THAP6: variants seen among roughly 807,000 people sequenced by gnomAD.
THAP6 encodes THAP domain-containing protein 6.
In THAP6, 13 loss-of-function variants were observed where a neutral mutation model predicts 20.0. The observed-to-expected ratio is 0.65, with a 90% CI of 0.42 to 1.03. The LOEUF (loss-of-function observed/expected upper bound fraction) is 1.03. Ranked by LOEUF, THAP6 falls within the 50% of genes least tolerant of loss-of-function variation. The probability of loss-of-function intolerance (pLI) is 0.00; values close to 1 mark genes in which losing one functional copy is unlikely to be tolerated. For missense variants in THAP6, 262 were observed against 261.6 expected (o/e 1.00, Z -0.01); for synonymous variants, 93 against 92.2 (o/e 1.01, Z -0.05).
chr4:75,529,127 C>A lies in THAP6; in HGVS notation c.*1913C>A. 3.1e-6 allele frequency: 3 copies of A among 979,004 alleles called. No individual in the cohort carries two copies. Among genetic ancestry groups the A allele is most frequent in the Non-Finnish European group, 3.6e-6 (3 of 824,202 alleles). 60.6% of individuals were successfully genotyped at this position (979,004 alleles called of 1,614,324 possible). A position where few individuals can be genotyped will look rare whatever the true frequency, so the allele number is the denominator to read the frequency against. ...TTAATTTTGAGTTCATAAATGGCCA[C>A]CCTAATGGAAAGTTTGGGTATGATC... is the stretch of plus-strand genomic sequence containing the variant. On this transcript the variant is annotated 3_prime_UTR_variant, in exon 5 of 5. Coordinates refer to ENST00000311638, the MANE Select transcript of THAP6 (RefSeq NM_144721.6).
In THAP6 at chr4:75,529,155, AG is replaced by A; in HGVS notation, c.*1943del. 1.0e-6 allele frequency: 1 copy of A among 982,952 alleles called. No individual in the cohort carries two copies. The highest frequency in any genetic ancestry group is 1.1e-4 in the East Asian group (1 of 8,802). The allele number at this position is 982,952 out of a possible 1,614,324, so 60.9% of individuals were successfully genotyped here. ...TAATGGAAAGTTTGGGTATGATCTT[AG>A]GTTTTATGGAGATGTTTTCAATAGA... is the stretch of plus-strand genomic sequence containing the variant. On this transcript the variant is annotated 3_prime_UTR_variant, in exon 5 of 5. Transcript: ENST00000311638.
chr4:75,547,238 T>C (rs1727146033), intron 3 of THAP6, among the ~76,000 whole-genome samples: 1 of 152,204 alleles, frequency 6.6e-6, no homozygotes, highest in Admixed American at 6.5e-5. Flanking sequence ...CTAATCAAGA[T>C]TTGGTTCTTC....
intron 3 of THAP6, among the ~76,000 whole-genome samples, chr4:75,547,283 A>C (rs1279083084): frequency 6.6e-6 from 1 of 152,198 alleles, no homozygotes; most frequent in Non-Finnish European, 1.5e-5. Context: ...GGTCAATTTT[A>C]TGTTACGTAT....
rs762413697 is a variant in THAP6, at chr4:75,516,890, A to C, written c.199A>C (p.Lys67Gln). Reference sequence around the variant, plus strand: ...AGATGTGTTGTGTTCGAGGCACTTTAAGAAGACAGATTTTGACAGAAGTGC... The same window carrying C: ...AGATGTGTTGTGTTCGAGGCACTTTCAGAAGACAGATTTTGACAGAAGTGC... Reference protein sequence around the residue: ...KGDVLCSRHFKKTDFDRSAPN... With the variant: ...KGDVLCSRHFQKTDFDRSAPN... The change falls in exon 3 of 5, where the codon AAG becomes CAG. Residue 67 changes from lysine (K) to glutamine (Q), a missense_variant. Lys to Gln is a moderately conservative substitution (Grantham distance 53, BLOSUM62 1). Transcript: ENST00000311638. 6.2e-7 allele frequency: 1 copy of C among 1,614,150 alleles called. No individual in the cohort carries two copies. Among genetic ancestry groups the C allele is most frequent in the East Asian group, 2.2e-5 (1 of 44,880 alleles).
chr4:75,537,191 C>CA, intron 2 of THAP6, among the ~76,000 whole-genome samples: 1 of 152,154 alleles, frequency 6.6e-6, no homozygotes, highest in African/African-American at 2.4e-5. Context: ...CTAGGGGGGG[C>CA]ACCAAAACTA....
At position 75,528,756 on chromosome 4, in the gene THAP6, T is replaced by TTA. The variant is rs1553923560; in HGVS notation, c.*1542_*1543insTA. ...GAAAAAAAAGTAGTAAAAAGGTAGTTAAAAAAAAAAAAGGCCGGGTGGTGG... is the reference window on the plus strand; with the variant it reads ...GAAAAAAAAGTAGTAAAAAGGTAGTTTAAAAAAAAAAAAAGGCCGGGTGGTGG... On this transcript the variant is annotated 3_prime_UTR_variant, in exon 5 of 5. Coordinates refer to ENST00000311638, the MANE Select transcript of THAP6 (RefSeq NM_144721.6). 2 of 902,706 alleles carry TTA rather than the reference T, an allele frequency of 2.2e-6. No homozygotes were observed. The highest frequency in any genetic ancestry group is 5.7e-4 in the Middle Eastern group (1 of 1,760). The allele number at this position is 902,706 out of a possible 1,614,324, so 55.9% of individuals were successfully genotyped here. A position where few individuals can be genotyped will look rare whatever the true frequency, so the allele number is the denominator to read the frequency against.
chr4:75,531,936 C>T (rs982616178), downstream of THAP6, among the ~76,000 whole-genome samples: 3 of 152,144 alleles, frequency 2.0e-5, no homozygotes, highest in African/African-American at 7.2e-5. Context: ...ATGGGAGCTA[C>T]AAGATGAGAT....
intron 2 of THAP6, 65 bp from the exon 3 acceptor site, chr4:75,516,707 A>G (rs967678710): frequency 6.8e-5 from 93 of 1,376,024 alleles, no homozygotes; most frequent in Non-Finnish European, 1.1e-5. Context: ...TGTATAAGGC[A>G]GCTTTAATTC....
At chr4:75,539,194 T>C (rs1397985701) in intron 2 of THAP6, among the ~76,000 whole-genome samples, 1 of 152,214 alleles carries the variant, frequency 6.6e-6, no homozygotes, top group Admixed American at 6.5e-5. Context: ...TTTCTCCTCA[T>C]TGTGCACTAC....
At chr4:75,526,476 T>C (rs1726376356) in intron 4 of THAP6, among the ~76,000 whole-genome samples, 2 of 152,188 alleles carry the variant, frequency 1.3e-5, no homozygotes, top group African/African-American at 2.4e-5. Context: ...CAAGAGGAGT[T>C]GTCTCTTGAA....
intron 2 of THAP6, among the ~76,000 whole-genome samples, chr4:75,515,788 T>C (rs902918309): frequency 2.0e-5 from 3 of 152,272 alleles, no homozygotes; most frequent in Non-Finnish European, 4.4e-5. Context: ...CTAATATTAT[T>C]ACTTTGTATT....
rs1726623266 is a variant in THAP6, at chr4:75,529,969, TTGAG to T, written c.*2756_*2759del. On this transcript the variant is annotated 3_prime_UTR_variant, in exon 5 of 5. Transcript: ENST00000311638. The stretch of plus-strand genomic sequence containing the variant: ...AAAGATAAAATTATTACAGAAATAA[TTGAG>T]AGAGAGAAAATCTATTATAATTTAT... 5.7e-6 allele frequency: 5 copies of T among 877,762 alleles called. No individual in the cohort carries two copies. The highest frequency in any genetic ancestry group is 1.0e-4 in the South Asian group (2 of 19,126). The allele number at this position is 877,762 out of a possible 1,614,324, so 54.4% of individuals were successfully genotyped here. A position where few individuals can be genotyped will look rare whatever the true frequency, so the allele number is the denominator to read the frequency against.
At chr4:75,544,634 A>G (rs1727085548) in intron 3 of THAP6, 1 of 151,378 alleles carries the variant, frequency 6.6e-6, no homozygotes, top group African/African-American at 2.4e-5. Flanking sequence ...CTAGAATTAC[A>G]GGTGTGAGTC....
intron 1 of THAP6, 116 bp from the exon 2 acceptor site, chr4:75,515,310 AGAAGAAG>A (rs1725490316): frequency 2.4e-6 from 2 of 816,976 alleles, no homozygotes; most frequent in Non-Finnish European, 4.0e-6. Context: ...TGCAGGTGTT[AGAAGAAG>A]ATATTTGTCT....
chr4:75,528,150 G>A lies in THAP6; in HGVS notation c.*936G>A, dbSNP rs1726496691. ...TTCCAGTTGAAATAGGAATTGGAGA[G>A]AAAGGATTAGAATATTTTAATTAGG... On this transcript the variant is annotated 3_prime_UTR_variant, in exon 5 of 5. Transcript: ENST00000311638. 4 of 985,034 alleles carry A rather than the reference G, an allele frequency of 4.1e-6. No homozygotes were observed. The highest frequency in any genetic ancestry group is 4.8e-6 in the Non-Finnish European group (4 of 829,678). 61.0% of individuals were successfully genotyped at this position (985,034 alleles called of 1,614,324 possible).
Position 75,515,301 on chromosome 4 carries a change from G to T in THAP6, c.-20-132G>T. On this transcript the variant is annotated intron_variant, in intron 1 of 4. Coordinates refer to ENST00000311638, the MANE Select transcript of THAP6 (RefSeq NM_144721.6). The stretch of plus-strand genomic sequence containing the variant: ...CCTGGAAAATGATGTAAGCAAAGCT[G>T]CAGGTGTTAGAAGAAGATATTTGTC... The T allele has an allele frequency of 4.1e-6, 3 of 734,122 alleles. No homozygotes were observed. The South Asian group carries it at 5.1e-5, about 13-fold the overall frequency. 45.5% of individuals were successfully genotyped at this position (734,122 alleles called of 1,614,324 possible). A position where few individuals can be genotyped will look rare whatever the true frequency, so the allele number is the denominator to read the frequency against.
chr4:75,539,832 T>C, intron 2 of THAP6: 2 of 1,535,998 alleles, frequency 1.3e-6, no homozygotes, highest in African/African-American at 2.7e-5. Flanking sequence ...TGTTTTTCTT[T>C]CTTCTTTAAA....
downstream of THAP6, among the ~76,000 whole-genome samples, chr4:75,533,066 T>C (rs1726735835): frequency 6.6e-6 from 1 of 152,232 alleles, no homozygotes; most frequent in African/African-American, 2.4e-5. Flanking sequence ...ATTTTCTTTT[T>C]ATTGCAAGTT....
rs1726453468 is a variant in THAP6 at position 75,527,444 on chromosome 4, C to T, written c.*230C>T. 7.6e-7 allele frequency: 1 copy of T among 1,320,140 alleles called. No individual in the cohort carries two copies. The highest frequency in any genetic ancestry group is 3.4e-5 in the Admixed American group (1 of 29,328). The allele number at this position is 1,320,140 out of a possible 1,614,324, so 81.8% of individuals were successfully genotyped here. A position where few individuals can be genotyped will look rare whatever the true frequency, so the allele number is the denominator to read the frequency against. On this transcript the variant is annotated 3_prime_UTR_variant, in exon 5 of 5. Transcript: ENST00000311638. ...ATGTTTTATAGACCTACACTAGTGC[C>T]AGGTCACTATTGTAAGATGTTAAAA...
Sources: gnomAD v4.1 joint callset for allele counts (sites outside exome capture counted in the v4.1 genomes callset) on GRCh38, gnomAD v4.1.1 for gene constraint, MANE v1.5 for transcripts, NCBI Gene and HGNC (gene_info 2026-07-23, HGNC 2026-07-21) for gene names.